RBFOX3: variants seen among roughly 807,000 people sequenced by gnomAD.
RBFOX3 encodes RNA binding protein fox-1 homolog 3.
RBFOX3 carries 17 observed loss-of-function variants against 48.7 expected under a neutral mutation model. That is an observed-to-expected ratio of 0.35 (90% CI 0.24 to 0.52). The LOEUF is 0.52. Ranked by LOEUF, RBFOX3 falls within the 20% of genes least tolerant of loss-of-function variation. The probability of loss-of-function intolerance (pLI) is 0.94; values close to 1 mark genes in which losing one functional copy is unlikely to be tolerated. For synonymous variants in RBFOX3, 212 were observed against 209.5 expected, an observed-to-expected ratio of 1.01 and a Z score of -0.10; for missense variants, 382 against 497.5, an observed-to-expected ratio of 0.77 and a Z score of 2.21.
At chr17:79,303,782 CGTGT>C (rs1261034991) in intron 3 of RBFOX3, among the ~76,000 whole-genome samples, 1 of 151,836 alleles carries the variant, frequency 6.6e-6, no homozygotes, top group Non-Finnish European at 1.5e-5. Flanking sequence ...GGTGCACGTA[CGTGT>C]GTGTATGTAC....
At chr17:79,357,233 C>A (rs527490156) in intron 2 of RBFOX3, among the ~76,000 whole-genome samples, 19 of 152,358 alleles carry the variant, frequency 1.2e-4, no homozygotes, top group Admixed American at 3.9e-4. Flanking sequence ...TGAGCACACT[C>A]GCCTTTAAGC....
In RBFOX3 at chr17:79,365,531, A is replaced by G. The variant is rs192749837; in HGVS notation, c.-174-57707T>C. On this transcript the variant is annotated intron_variant, in intron 2 of 14. Coordinates refer to ENST00000693108, the MANE Select transcript of RBFOX3 (RefSeq NM_001350451.2). ...GCGCGGCCCTGGCGCTCCCACGCGA[A>G]CACCAGATAAATGGATTACGGCAAG... Among the ~76,000 whole-genome samples the G allele has an allele frequency of 1.7e-3, 259 of 152,386 alleles. 2 individuals carry two copies. The highest frequency in any genetic ancestry group is 3.5e-4 in the Non-Finnish European group (24 of 68,042).
rs2077205428 is a variant in RBFOX3, at chr17:79,105,572, A to C, written c.360+1079T>G. ...GCCCTCCAATGAGTCTAGACTGCAA[A>C]TCCAACCAGGCCGGGCTCCTGAGAC... On this transcript the variant is annotated intron_variant, in intron 6 of 14. Transcript: ENST00000693108. 2.6e-5 allele frequency among the ~76,000 whole-genome samples: 4 copies of C among 152,288 alleles called. No homozygotes were observed. In the South Asian group the frequency reaches 8.3e-4, roughly 32 times the overall value.
intron 2 of RBFOX3, among the ~76,000 whole-genome samples, chr17:79,426,007 T>G (rs2067303204): frequency 6.8e-6 from 1 of 147,732 alleles, no homozygotes. Context: ...TCACGGAGAG[T>G]GTGGAGGGGG....
intron 1 of RBFOX3, chr17:79,597,981 G>A (rs2093608742): frequency 6.6e-6 from 1 of 152,330 alleles, no homozygotes; most frequent in Admixed American, 6.5e-5. Flanking sequence ...GCCGCGGCAG[G>A]TAGAAGGATG....
At chr17:79,115,854 A>G in intron 4 of RBFOX3, 106 bp from the exon 5 acceptor site, 1 of 544,320 alleles carries the variant, frequency 1.8e-6, no homozygotes, top group Non-Finnish European at 3.2e-6. Context: ...CAGTATTTTC[A>G]GCAGCCTTTC....
chr17:79,444,784 G>GAT (rs1199631212), intron 2 of RBFOX3, among the ~76,000 whole-genome samples: 14 of 151,782 alleles, frequency 9.2e-5, no homozygotes, highest in African/African-American at 7.2e-5. Flanking sequence ...TATACATTCA[G>GAT]ATATATATAT....
At chr17:79,654,842 G>A in the RBFOX3 span, among the ~76,000 whole-genome samples, 1 of 152,138 alleles carries the variant, frequency 6.6e-6, no homozygotes, top group East Asian at 1.9e-4. Flanking sequence ...TCGCTTTATG[G>A]GCCTCTCCCT....
chr17:79,296,494 C>G (rs1298869526), intron 3 of RBFOX3, among the ~76,000 whole-genome samples: 1 of 152,188 alleles, frequency 6.6e-6, no homozygotes, highest in Non-Finnish European at 1.5e-5. Context: ...AAGGGACACA[C>G]TGAAGAACAG....
intron 2 of RBFOX3, among the ~76,000 whole-genome samples, chr17:79,348,940 A>T (rs1205525307): frequency 1.3e-5 from 2 of 151,906 alleles, no homozygotes; most frequent in African/African-American, 4.8e-5. Context: ...TCTCCGAGAA[A>T]CCCTGCTCTT....
intron 2 of RBFOX3, among the ~76,000 whole-genome samples, chr17:79,399,480 G>GT (rs35351556): frequency 0.057 from 8,599 of 151,048 alleles, 303 homozygotes; most frequent in Admixed American, 0.09. Context: ...GGCAGGGATG[G>GT]TTTTTTTTTG....
rs1207296155 is a variant in RBFOX3 at position 79,214,209 on chromosome 17, G to A, written c.-34+21557C>T. Reference sequence around the variant, plus strand: ...CCGTGGGTATTAGGACCCTGATAAAGTCGGCCTCTCCAGCAACGCACGGAG... The same window carrying A: ...CCGTGGGTATTAGGACCCTGATAAAATCGGCCTCTCCAGCAACGCACGGAG... On this transcript the variant is annotated intron_variant, in intron 4 of 14. Coordinates refer to ENST00000693108, the MANE Select transcript of RBFOX3 (RefSeq NM_001350451.2). The surrounding 1 kb of genome is among the most constrained non-coding windows in gnomAD (Gnocchi z 4.7). 6.6e-6 allele frequency among the ~76,000 whole-genome samples: 1 copy of A among 152,192 alleles called. No individual in the cohort carries two copies. The highest frequency in any genetic ancestry group is 2.4e-5 in the African/African-American group (1 of 41,446).
At chr17:79,101,729 G>A (rs2612798) in intron 8 of RBFOX3, 85 bp from the exon 9 acceptor site, 32 of 1,245,412 alleles carry the variant, frequency 2.6e-5, no homozygotes, top group Middle Eastern at 1.9e-4. Flanking sequence ...GCCCTGCTCC[G>A]TTAGCCCCCG....
intron 2 of RBFOX3, among the ~76,000 whole-genome samples, chr17:79,422,421 G>A (rs1046600662): frequency 2.7e-5 from 4 of 150,814 alleles, no homozygotes; most frequent in East Asian, 4.0e-4. Context: ...CTCCCAGGCC[G>A]GTGCCTCCAG....
intron 2 of RBFOX3, among the ~76,000 whole-genome samples, chr17:79,378,099 A>G (rs1311931287): frequency 6.6e-6 from 1 of 152,212 alleles, no homozygotes; most frequent in African/African-American, 2.4e-5. Context: ...GTGACTCCCA[A>G]CACAGCCTCT....
rs2071521412 is a variant in RBFOX3 at position 79,443,253 on chromosome 17, G to A, written c.-175+39201C>T. ...CCCCTCTGCCCCAACAAGCTGCTAG[G>A]TGTGTGTCACCAGGCCTCTGCCACC... On this transcript the variant is annotated intron_variant, in intron 2 of 14. Transcript: ENST00000693108. The surrounding 1 kb of genome is among the most constrained non-coding windows in gnomAD (Gnocchi z 4.4). 6.6e-6 allele frequency among the ~76,000 whole-genome samples: 1 copy of A among 152,242 alleles called. No homozygotes were observed. The highest frequency in any genetic ancestry group is 6.5e-5 in the Admixed American group (1 of 15,290).
chr17:79,351,500 A>G (rs1273149384), intron 2 of RBFOX3, among the ~76,000 whole-genome samples: 1 of 152,042 alleles, frequency 6.6e-6, no homozygotes, highest in Non-Finnish European at 1.5e-5. Context: ...CCCAGCTTCA[A>G]TCTTGCTGTC....
At chr17:79,664,036 T>C in the RBFOX3 span, among the ~76,000 whole-genome samples, 1 of 152,070 alleles carries the variant, frequency 6.6e-6, no homozygotes, top group Non-Finnish European at 1.5e-5. Flanking sequence ...CCAAAAAGCC[T>C]CCGTGTTTGT....
chr17:79,290,197 A>G (rs568888286), intron 3 of RBFOX3, among the ~76,000 whole-genome samples: 1 of 152,136 alleles, frequency 6.6e-6, no homozygotes, highest in East Asian at 2.0e-4. Flanking sequence ...CTCAAGCTGG[A>G]GGAGGCATCA....
Sources: allele counts gnomAD v4.1 joint callset (sites outside exome capture counted in the v4.1 genomes callset), GRCh38; gene constraint gnomAD v4.1.1; non-coding constraint Gnocchi (gnomAD v3.1); transcripts MANE v1.5; gene names NCBI Gene and HGNC (gene_info 2026-07-23, HGNC 2026-07-21).